NDST4: variants seen among roughly 807,000 people sequenced by gnomAD.
NDST4 encodes the protein N-deacetylase and N-sulfotransferase 4.
NDST4 carries 63 observed loss-of-function variants against 100.8 expected under a neutral mutation model. That is an observed-to-expected ratio of 0.62 (90% CI 0.51 to 0.77). The LOEUF is 0.77. NDST4 is among the 30% of genes least tolerant of loss of function. The pLI, the probability that NDST4 is intolerant of heterozygous loss-of-function variation, is 0.00. For missense variants in NDST4, 943 were observed against 1,018.4 expected (o/e 0.93, Z 1.01); for synonymous variants, 377 against 361.8 (o/e 1.04, Z -0.48).
intron 7 of NDST4, among the ~76,000 whole-genome samples, chr4:114,870,534 G>T (rs950088459): frequency 6.6e-5 from 10 of 152,042 alleles, no homozygotes; most frequent in Non-Finnish European, 1.2e-4. Context: ...AAGCAAAAAT[G>T]TTAAACCAAC....
intron 2 of NDST4, among the ~76,000 whole-genome samples, chr4:114,986,918 T>C (rs111458146): frequency 0.03 from 4,431 of 149,678 alleles, 238 homozygotes; most frequent in African/African-American, 0.1. Context: ...AAGATAAATA[T>C]ATATTTTAAC....
chr4:115,081,843 T>C (rs559130400), intron 1 of NDST4, among the ~76,000 whole-genome samples: 5 of 152,300 alleles, frequency 3.3e-5, no homozygotes, highest in African/African-American at 9.6e-5. Context: ...TGACCTTTCA[T>C]TATAGAAATA....
At chr4:114,980,198 C>T (rs1258490935) in intron 2 of NDST4, among the ~76,000 whole-genome samples, 2 of 152,128 alleles carry the variant, frequency 1.3e-5, no homozygotes, top group Non-Finnish European at 2.9e-5. Context: ...TAAAACCCTT[C>T]AATTTTTAAA....
At chr4:114,925,359 C>G (rs577479728) in intron 6 of NDST4, among the ~76,000 whole-genome samples, 5 of 152,200 alleles carry the variant, frequency 3.3e-5, no homozygotes, top group African/African-American at 9.6e-5. Flanking sequence ...CTATGCAGCT[C>G]TATATTATTT....
chr4:114,852,884 A>T, intron 7 of NDST4, 63 bp from the exon 8 acceptor site: 1 of 1,180,528 alleles, frequency 8.5e-7, no homozygotes, highest in African/African-American at 1.6e-5. Flanking sequence ...TTCTCTAAAA[A>T]TTGTTCAAAA....
intron 1 of NDST4, among the ~76,000 whole-genome samples, chr4:115,108,075 A>G (rs1006733804): frequency 1.3e-5 from 2 of 152,128 alleles, no homozygotes; most frequent in Non-Finnish European, 2.9e-5. Context: ...TTGAATTGAC[A>G]TAACTATTAG....
chr4:115,038,971 C>T (rs922028068), intron 2 of NDST4, among the ~76,000 whole-genome samples: 2 of 150,496 alleles, frequency 1.3e-5, no homozygotes, highest in Admixed American at 6.6e-5. Context: ...CAGCAAGATA[C>T]TACCTCAGAA....
At chr4:114,922,238 A>G (rs1725304145) in intron 6 of NDST4, among the ~76,000 whole-genome samples, 1 of 152,184 alleles carries the variant, frequency 6.6e-6, no homozygotes, top group Admixed American at 6.5e-5. Context: ...AGCAGGCTCA[A>G]GCATGCACAG....
intron 2 of NDST4, among the ~76,000 whole-genome samples, chr4:115,019,274 A>G (rs544914797): frequency 6.6e-6 from 1 of 152,226 alleles, no homozygotes; most frequent in African/African-American, 2.4e-5. Context: ...ATTATAAAAA[A>G]CAAGTTTAAA....
At chr4:114,914,807 T>C (rs966990233) in intron 6 of NDST4, among the ~76,000 whole-genome samples, 1 of 152,168 alleles carries the variant, frequency 6.6e-6, no homozygotes, top group Admixed American at 6.5e-5. Flanking sequence ...TTTTAATCAC[T>C]GTTTTTTTAA....
intron 1 of NDST4, among the ~76,000 whole-genome samples, chr4:115,100,979 A>AT (rs150047743): frequency 0.025 from 3,810 of 152,018 alleles, 159 homozygotes; most frequent in African/African-American, 0.087. Context: ...CATATGAATT[A>AT]TTTTTGTCCC....
At chr4:114,833,859 G>A (rs914389808) in intron 11 of NDST4, 144 bp from the exon 12 acceptor site, 1 of 547,630 alleles carries the variant, frequency 1.8e-6, no homozygotes, top group South Asian at 2.7e-5. Flanking sequence ...ACATCCGAAT[G>A]TTTATTATTC....
chr4:114,893,636 A>T (rs1181549721), intron 6 of NDST4, among the ~76,000 whole-genome samples: 1 of 151,770 alleles, frequency 6.6e-6, no homozygotes, highest in Non-Finnish European at 1.5e-5. Flanking sequence ...AATTCTGGAT[A>T]TTAGACCTCT....
intron 6 of NDST4, among the ~76,000 whole-genome samples, chr4:114,904,438 C>A: frequency 6.6e-6 from 1 of 151,748 alleles, no homozygotes; most frequent in East Asian, 1.9e-4. Context: ...TCATTAATAA[C>A]CTAAACTAAC....
At chr4:114,912,481 T>G (rs1725081726) in intron 6 of NDST4, among the ~76,000 whole-genome samples, 1 of 152,158 alleles carries the variant, frequency 6.6e-6, no homozygotes, top group African/African-American at 2.4e-5. Context: ...TGATGCTTTC[T>G]GACGTACTTG....
intron 12 of NDST4, among the ~76,000 whole-genome samples, chr4:114,830,372 A>T (rs12642116): frequency 0.11 from 16,633 of 152,230 alleles, 955 homozygotes; most frequent in Middle Eastern, 0.15. Context: ...TAAAGCTTTC[A>T]GTTCAGAAAT....
intron 6 of NDST4, among the ~76,000 whole-genome samples, chr4:114,911,654 G>A (rs1009218190): frequency 3.3e-5 from 5 of 152,028 alleles, no homozygotes; most frequent in Admixed American, 2.6e-4. Flanking sequence ...TTAAGTACTT[G>A]TTACTCTTCC....
intron 7 of NDST4, among the ~76,000 whole-genome samples, chr4:114,863,917 C>T (rs950697607): frequency 1.1e-4 from 16 of 152,122 alleles, no homozygotes; most frequent in Non-Finnish European, 2.4e-4. Flanking sequence ...ATATTTCCCT[C>T]CAAATAAGTA....
At chr4:114,981,293 C>T (rs563126591) in intron 2 of NDST4, among the ~76,000 whole-genome samples, 10 of 152,088 alleles carry the variant, frequency 6.6e-5, no homozygotes, top group African/African-American at 2.2e-4. Context: ...GAATGAGAGT[C>T]CAACTTTGCC....
Sources: gnomAD v4.1 joint callset for allele counts (sites outside exome capture counted in the v4.1 genomes callset) on GRCh38, gnomAD v4.1.1 for gene constraint, MANE v1.5 for transcripts, NCBI Gene and HGNC (gene_info 2026-07-23, HGNC 2026-07-21) for gene names.